KCNH7: variants seen among roughly 807,000 people sequenced by gnomAD.
The protein encoded by KCNH7 is voltage-gated inwardly rectifying potassium channel KCNH7.
Under a neutral mutation model 120.8 loss-of-function variants are expected in KCNH7, and 49 were observed. That is an observed-to-expected ratio of 0.41 (90% CI 0.32 to 0.51). The LOEUF (loss-of-function observed/expected upper bound fraction) is 0.51, where lower values mean the gene tolerates loss of function less well. Ranked by LOEUF, KCNH7 falls within the 20% of genes least tolerant of loss-of-function variation. The probability of loss-of-function intolerance (pLI) is 0.38; values close to 1 mark genes in which losing one functional copy is unlikely to be tolerated. For synonymous variants in KCNH7, 547 were observed against 516.1 expected, an observed-to-expected ratio of 1.06 and a Z score of -0.81; for missense variants, 1,097 against 1,446.6, an observed-to-expected ratio of 0.76 and a Z score of 3.92.
At chr2:162,785,379 C>G (rs1012681062) in intron 2 of KCNH7, among the ~76,000 whole-genome samples, 4 of 152,100 alleles carry the variant, frequency 2.6e-5, no homozygotes, top group Non-Finnish European at 5.9e-5. Context: ...TTTAATAAAG[C>G]TCTTACTTTT....
chr2:162,762,949 G>A (rs2105454447), intron 2 of KCNH7, among the ~76,000 whole-genome samples: 1 of 152,092 alleles, frequency 6.6e-6, no homozygotes, highest in East Asian at 1.9e-4. Flanking sequence ...AATTGAAGAG[G>A]AAGAACCTTC....
intron 2 of KCNH7, among the ~76,000 whole-genome samples, chr2:162,676,444 G>A (rs1685532329): frequency 6.6e-6 from 1 of 151,290 alleles, no homozygotes; most frequent in Non-Finnish European, 1.5e-5. Context: ...TTAGCATTTG[G>A]GATTCAGAAC....
At chr2:162,460,115 G>C (rs952366220) in intron 6 of KCNH7, among the ~76,000 whole-genome samples, 11 of 133,424 alleles carry the variant, frequency 8.2e-5, no homozygotes, top group African/African-American at 2.9e-4. Context: ...AAAAAAAAAA[G>C]CAAAGAAACA....
chr2:162,689,109 A>G (rs1260520135), intron 2 of KCNH7, among the ~76,000 whole-genome samples: 2 of 151,706 alleles, frequency 1.3e-5, no homozygotes, highest in Non-Finnish European at 2.9e-5. Context: ...TAAAGGCTGA[A>G]GACAGTATTT....
rs760169833 is a variant in KCNH7, at chr2:162,384,886, T to A, written c.2764A>T (p.Ser922Cys). The change falls in exon 13 of 16, where the codon AGT (serine) becomes TGT (cysteine). Residue 922 changes from serine (S) to cysteine (C), a missense_variant. Physicochemically the swap from Ser to Cys is moderately radical, Grantham distance 112. Around this residue, in one of 8 missense-constraint regions of KCNH7, gnomAD observed 406 missense variants for 410.5 expected, o/e 0.99. Transcript: ENST00000332142. ...DSADTIRHYQ[S>C]SKRHFEEKKS... Reference sequence around the variant, plus strand: ...TTCTCTTCAAAGTGTCTCTTGGAACTCTGATAATGTCTTATGGTATCTGCA... The same window carrying A: ...TTCTCTTCAAAGTGTCTCTTGGAACACTGATAATGTCTTATGGTATCTGCA... 1.2e-6 allele frequency: 2 copies of A among 1,612,086 alleles called. No homozygotes were observed. The highest frequency in any genetic ancestry group is 2.7e-5 in the African/African-American group (2 of 74,824).
At position 162,563,806 on chromosome 2, in the gene KCNH7, C is replaced by T. The variant is rs151290038; in HGVS notation, c.308-26726G>A. On this transcript the variant is annotated intron_variant, in intron 2 of 15. Transcript: ENST00000332142. ...ATAGACAGCATCTAAATCTGACAAT[C>T]TGTCATCTTACAAAGAACATTAATT... is the stretch of plus-strand genomic sequence containing the variant. Among the ~76,000 whole-genome samples the T allele has an allele frequency of 2.0e-5, 3 of 152,236 alleles. No homozygotes were observed. In the East Asian group the frequency reaches 5.8e-4, roughly 29 times the overall value.
chr2:162,442,868 T>C (rs1366833521), intron 7 of KCNH7, among the ~76,000 whole-genome samples: 1 of 152,148 alleles, frequency 6.6e-6, no homozygotes, highest in East Asian at 1.9e-4. Flanking sequence ...AATTAAGCAA[T>C]TAAGAAATTA....
intron 2 of KCNH7, among the ~76,000 whole-genome samples, chr2:162,726,144 T>C (rs1416815663): frequency 1.3e-5 from 2 of 152,182 alleles, no homozygotes; most frequent in Non-Finnish European, 2.9e-5. Flanking sequence ...ATCTATAATT[T>C]TGATCTATAC....
chr2:162,828,395 T>C (rs897087766), intron 2 of KCNH7, among the ~76,000 whole-genome samples: 2 of 152,110 alleles, frequency 1.3e-5, no homozygotes, highest in African/African-American at 4.8e-5. Flanking sequence ...CTTCACTAAA[T>C]ATAAGTAAGA....
intron 2 of KCNH7, among the ~76,000 whole-genome samples, chr2:162,696,214 T>C (rs1163231442): frequency 1.3e-5 from 2 of 152,148 alleles, no homozygotes; most frequent in Non-Finnish European, 2.9e-5. Flanking sequence ...ATAATGTAGA[T>C]ATAGTATTAT....
chr2:162,712,097 A>C (rs1459491867), intron 2 of KCNH7, among the ~76,000 whole-genome samples: 1 of 152,192 alleles, frequency 6.6e-6, no homozygotes, highest in Non-Finnish European at 1.5e-5. Context: ...GACTCTTTAC[A>C]CGGCACTTAA....
intron 8 of KCNH7, among the ~76,000 whole-genome samples, chr2:162,429,623 C>T (rs1274810066): frequency 6.6e-6 from 1 of 150,774 alleles, no homozygotes; most frequent in African/African-American, 2.5e-5. Context: ...CGATTTTGTT[C>T]CATTGTCTTT....
At chr2:162,582,013 A>G (rs1049283175) in intron 2 of KCNH7, among the ~76,000 whole-genome samples, 1 of 152,062 alleles carries the variant, frequency 6.6e-6, no homozygotes, top group Admixed American at 6.6e-5. Flanking sequence ...GAGATCTCCA[A>G]GCACAAGCCA....
intron 9 of KCNH7, among the ~76,000 whole-genome samples, chr2:162,409,618 G>A (rs1687327455): frequency 6.6e-6 from 1 of 151,766 alleles, no homozygotes; most frequent in South Asian, 2.1e-4. Context: ...GAAATAAAAG[G>A]CATCCAAATA....
At chr2:162,493,037 T>C (rs1690374623) in intron 6 of KCNH7, among the ~76,000 whole-genome samples, 1 of 152,044 alleles carries the variant, frequency 6.6e-6, no homozygotes, top group Admixed American at 6.6e-5. Context: ...AGACTCCATT[T>C]TGGGAAAAAA....
intron 9 of KCNH7, among the ~76,000 whole-genome samples, chr2:162,413,919 G>A (rs1028478817): frequency 3.3e-5 from 5 of 151,330 alleles, no homozygotes; most frequent in Middle Eastern, 3.4e-3. Flanking sequence ...AAAATAATAC[G>A]GAAAAAATAA....
At chr2:162,637,815 T>C (rs561515307) in intron 2 of KCNH7, among the ~76,000 whole-genome samples, 50 of 152,202 alleles carry the variant, frequency 3.3e-4, no homozygotes, top group Non-Finnish European at 5.7e-4. Flanking sequence ...CTCCTTCAGA[T>C]CCAGACATTA....
At chr2:162,724,882 G>C (rs1218321754) in intron 2 of KCNH7, among the ~76,000 whole-genome samples, 1 of 152,102 alleles carries the variant, frequency 6.6e-6, no homozygotes, top group Admixed American at 6.5e-5. Flanking sequence ...CTGCATCAAA[G>C]GAAAAGGTTA....
chr2:162,567,825 A>T (rs900533764), intron 2 of KCNH7, among the ~76,000 whole-genome samples: 1 of 152,060 alleles, frequency 6.6e-6, no homozygotes, highest in African/African-American at 2.4e-5. Flanking sequence ...CAATGTTTCC[A>T]TCAATGAAAG....
Sources: gnomAD v4.1 joint callset for allele counts (sites outside exome capture counted in the v4.1 genomes callset) on GRCh38, gnomAD v4.1.1 for gene constraint, gnomAD v4.1.1 regional missense constraint, MANE v1.5 for transcripts, NCBI Gene and HGNC (gene_info 2026-07-23, HGNC 2026-07-21) for gene names.